Variants in WASHC2C observed in about 807,000 individuals in gnomAD.
The protein encoded by WASHC2C is WASH complex subunit 2C.
A neutral mutation model predicts 142.2 loss-of-function variants in WASHC2C; 73 were observed. The ratio of observed to expected loss-of-function variants is 0.51; its 90% CI spans 0.43 to 0.62. The LOEUF is 0.62. Ranked by LOEUF, WASHC2C falls within the 20% of genes least tolerant of loss-of-function variation. WASHC2C has a pLI of 0.00. For synonymous variants in WASHC2C, 337 were observed against 565.5 expected, an observed-to-expected ratio of 0.60 and a Z score of 5.73; for missense variants, 969 against 1,531.7, an observed-to-expected ratio of 0.63 and a Z score of 6.13.
At chr10:45,730,912 C>T (rs1420668196) in intron 3 of WASHC2C, among the ~76,000 whole-genome samples, 7 of 151,752 alleles carry the variant, frequency 4.6e-5, no homozygotes, top group Admixed American at 2.0e-4. Flanking sequence ...AGCCACGGCG[C>T]CCGGCAAGGG....
chr10:45,790,427 T>C lies in WASHC2C; in HGVS notation c.3780T>C (p.Ser1260=). The C allele has an allele frequency of 6.2e-6, 10 of 1,611,060 alleles. No homozygotes were observed. The highest frequency in any genetic ancestry group is 4.5e-4 in the Middle Eastern group (2 of 4,426). Residue 1260 remains serine (S), a synonymous_variant, in exon 30 of 31, where the codon TCT becomes TCC. Transcript: ENST00000623400. ...KTREKEKTLE[S]NLFDDNIDIF... ...GAGAGAAGGAGAAAACATTGGAATC[T>C]AATTTATTTGATGATAACATTGATA...
Position 45,744,804 on chromosome 10 carries a change from A to G in WASHC2C, c.623-17A>G. 1 of 572,608 alleles carries G rather than the reference A, an allele frequency of 1.7e-6. No homozygotes were observed. Among genetic ancestry groups the G allele is most frequent in the Non-Finnish European group, 3.1e-6 (1 of 325,772 alleles). 35.5% of individuals were successfully genotyped at this position (572,608 alleles called of 1,614,324 possible). A position where few individuals can be genotyped will look rare whatever the true frequency, so the allele number is the denominator to read the frequency against. On this transcript the variant is annotated splice_polypyrimidine_tract_variant and intron_variant, in intron 6 of 30. Coordinates refer to ENST00000623400, the MANE Select transcript of WASHC2C (RefSeq NM_001330074.2). Reference sequence around the variant, plus strand: ...TGTGAATATTGGTGTGGTGACCCTTATCTCTCTTCTCAACAGAAGGCTCTG... The same window carrying G: ...TGTGAATATTGGTGTGGTGACCCTTGTCTCTCTTCTCAACAGAAGGCTCTG...
Position 45,727,321 on chromosome 10 carries a change from G to T in WASHC2C, c.3+1G>T. 6.3e-7 allele frequency: 1 copy of T among 1,580,212 alleles called. No individual in the cohort carries two copies. Among genetic ancestry groups the T allele is most frequent in the Non-Finnish European group, 8.6e-7 (1 of 1,164,282 alleles). On this transcript the variant is annotated splice_donor_variant, in intron 1 of 30. Coordinates refer to ENST00000623400, the MANE Select transcript of WASHC2C (RefSeq NM_001330074.2). LOFTEE classifies it high-confidence loss of function. Reference sequence around the variant, plus strand: ...CCCACCGAGCCGGGCGGCTGGGATGGTGAGGGCGGCGGGCCGGAGAGGGGC... The same window carrying T: ...CCCACCGAGCCGGGCGGCTGGGATGTTGAGGGCGGCGGGCCGGAGAGGGGC...
chr10:45,750,870 G>A, intron 10 of WASHC2C, 32 bp downstream of exon 10: 1 of 1,544,234 alleles, frequency 6.5e-7, no homozygotes, highest in Non-Finnish European at 8.7e-7. Context: ...GGGGAGTAGG[G>A]GAGGAGTAGT....
chr10:45,754,384 T>C, intron 13 of WASHC2C, 102 bp from the exon 14 acceptor site: 1 of 1,583,868 alleles, frequency 6.3e-7, no homozygotes, highest in Non-Finnish European at 8.6e-7. Context: ...TTTCAAAAGG[T>C]CTGGTACTAG....
At chr10:45,786,963 T>G (rs1554890446) in intron 27 of WASHC2C, 72 bp from the exon 28 acceptor site, 4 of 1,611,746 alleles carry the variant, frequency 2.5e-6, no homozygotes, top group Non-Finnish European at 3.4e-6. Context: ...CCGAATCTTG[T>G]CATGTGTCAC....
rs1400939764 is a variant in WASHC2C, at chr10:45,785,706, C to T, written c.2811+75C>T. The T allele has an allele frequency of 2.4e-5, 39 of 1,609,708 alleles. No individual in the cohort carries two copies. The South Asian group carries it at 3.1e-4, about 13-fold the overall frequency. On this transcript the variant is annotated intron_variant, in intron 26 of 30. Transcript: ENST00000623400. ...AGAGAAATTCCATTATGCAGACCCA[C>T]AGTTATTTAGACTTGTCTGCATTAA...
At chr10:45,739,386 G>A (rs1169997928) in intron 4 of WASHC2C, among the ~76,000 whole-genome samples, 2 of 147,768 alleles carry the variant, frequency 1.4e-5, no homozygotes, top group Non-Finnish European at 3.0e-5. Flanking sequence ...AATATTTTTC[G>A]GTATTTCTCA....
intron 3 of WASHC2C, among the ~76,000 whole-genome samples, chr10:45,734,115 C>T (rs1363645297): frequency 6.6e-6 from 1 of 152,060 alleles, no homozygotes; most frequent in African/African-American, 2.4e-5. Context: ...GTCCCAGCTA[C>T]TCGGGAGCCT....
intron 28 of WASHC2C, among the ~76,000 whole-genome samples, chr10:45,787,711 C>G (rs1263827686): frequency 3.3e-5 from 5 of 151,986 alleles, no homozygotes; most frequent in African/African-American, 1.2e-4. Context: ...TCCAGGCACA[C>G]CAGGTGCCAC....
intron 5 of WASHC2C, among the ~76,000 whole-genome samples, chr10:45,741,750 G>C (rs2052079024): frequency 6.6e-6 from 1 of 151,292 alleles, no homozygotes; most frequent in Non-Finnish European, 1.5e-5. Context: ...ATTTCCTTCA[G>C]CAGTGGAGGT....
Position 45,755,045 on chromosome 10 carries a change from C to G in WASHC2C, c.1350C>G (p.Leu450=), listed in dbSNP as rs5029704. ...KSPYGPPPTG[L]FDDDDGDDDD... ...CCTATGGTCCCCCTCCCACTGGCCT[C>G]TTTGATGATGATGATGGTGATGATG... Residue 450 remains leucine, a synonymous_variant, in exon 15 of 31, where the codon CTC becomes CTG. Coordinates refer to ENST00000623400, the MANE Select transcript of WASHC2C (RefSeq NM_001330074.2). 2.6e-4 allele frequency: 422 copies of G among 1,611,812 alleles called. 4 individuals carry two copies. In the Admixed American group the frequency reaches 5.2e-3, roughly 20 times the overall value.
At chr10:45,757,966 T>G (rs1313505079) in intron 16 of WASHC2C, among the ~76,000 whole-genome samples, 1 of 152,278 alleles carries the variant, frequency 6.6e-6, no homozygotes, top group Non-Finnish European at 1.5e-5. Flanking sequence ...TTTGATTTTT[T>G]TTTTGTTCTA....
chr10:45,785,312 T>C (rs1398306865), intron 25 of WASHC2C, among the ~76,000 whole-genome samples, 197 bp from the exon 26 acceptor site: 1 of 152,164 alleles, frequency 6.6e-6, no homozygotes, highest in Non-Finnish European at 1.5e-5. Context: ...CTGTTTTCTT[T>C]TTATCATAGA....
chr10:45,788,942 C>T lies in WASHC2C; in HGVS notation c.3159C>T (p.Ser1053=). The T allele has an allele frequency of 3.1e-6, 5 of 1,612,054 alleles. No homozygotes were observed. The South Asian group carries it at 5.5e-5, about 18-fold the overall frequency. Residue 1053 remains serine, a synonymous_variant, in exon 29 of 31, where the codon TCC becomes TCT. Coordinates refer to ENST00000623400, the MANE Select transcript of WASHC2C (RefSeq NM_001330074.2). ...CTAGGCGGCTGGCTGCTCAGGAGTC[C>T]AGCGAGGCTGAGGACATGAGCGTCC... ...RAARRLAAQE[S]SEAEDMSVPR... is the part of the protein sequence containing the mutation.
At chr10:45,784,748 T>G (rs2057903345) in intron 24 of WASHC2C, 55 bp downstream of exon 24, 6 of 1,592,240 alleles carry the variant, frequency 3.8e-6, no homozygotes, top group Non-Finnish European at 5.2e-6. Context: ...GGGTGCTGTC[T>G]CAACAGCTCA....
chr10:45,771,364 C>CAAAAAAAA (rs58095251), intron 20 of WASHC2C, among the ~76,000 whole-genome samples: 1 of 40,220 alleles, frequency 2.5e-5, no homozygotes, highest in African/African-American at 7.5e-5. Flanking sequence ...GACTCCATCT[C>CAAAAAAAA]AAAAAAAAAA....
intron 25 of WASHC2C, 118 bp downstream of exon 25, chr10:45,785,019 T>C: frequency 6.2e-7 from 1 of 1,605,116 alleles, no homozygotes. Context: ...TCCTGCTAAA[T>C]GAATGGCAAA....
At chr10:45,762,116 C>G (rs1554880216) in intron 17 of WASHC2C, among the ~76,000 whole-genome samples, 3 of 151,544 alleles carry the variant, frequency 2.0e-5, no homozygotes, top group Non-Finnish European at 4.4e-5. Flanking sequence ...AATAGATGTC[C>G]CATTTTATGT....
Sources: gnomAD v4.1 joint callset for allele counts (sites outside exome capture counted in the v4.1 genomes callset) on GRCh38, gnomAD v4.1.1 for gene constraint, MANE v1.5 for transcripts, NCBI Gene and HGNC (gene_info 2026-07-23, HGNC 2026-07-21) for gene names.